The following SCARA5 variants were observed in gnomAD, a reference collection of about 807,000 sequenced individuals.
SCARA5 encodes the protein scavenger receptor class A member 5, also known as scavenger receptor class A, member 5 (putative).
A neutral mutation model predicts 46.3 loss-of-function variants in SCARA5; 45 were observed. That is an observed-to-expected ratio of 0.97 (90% CI 0.76 to 1.24). The LOEUF (loss-of-function observed/expected upper bound fraction) is 1.24, where lower values mean the gene tolerates loss of function less well. Ranked by LOEUF, SCARA5 falls within the 50% of genes most tolerant of loss-of-function variation. SCARA5 has a pLI of 0.00. For missense variants in SCARA5, 680 were observed against 689.0 expected, an observed-to-expected ratio of 0.99 and a Z score of 0.15; for synonymous variants, 333 against 306.5, an observed-to-expected ratio of 1.09 and a Z score of -0.90.
At chr8:27,977,365 A>G (rs1176782069) in intron 2 of SCARA5, among the ~76,000 whole-genome samples, 1 of 152,066 alleles carries the variant, frequency 6.6e-6, no homozygotes, top group Admixed American at 6.6e-5. Flanking sequence ...AGCTGTGTTT[A>G]TCCTCCTTTC....
At chr8:27,909,612 G>T in intron 5 of SCARA5, 51 bp downstream of exon 5, 1 of 1,279,740 alleles carries the variant, frequency 7.8e-7, no homozygotes, top group Non-Finnish European at 1.1e-6. Context: ...GTAGCGGGTA[G>T]AGATGGATTG....
At chr8:27,974,213 G>T (rs149958866) in intron 2 of SCARA5, among the ~76,000 whole-genome samples, 1 of 152,180 alleles carries the variant, frequency 6.6e-6, no homozygotes, top group Non-Finnish European at 1.5e-5. Context: ...CTCTGTGGAA[G>T]TCAACGCAAA....
intron 3 of SCARA5, among the ~76,000 whole-genome samples, chr8:27,946,660 A>C (rs1808042388): frequency 6.6e-6 from 1 of 152,212 alleles, no homozygotes; most frequent in East Asian, 1.9e-4. Flanking sequence ...ATTTGGCTCT[A>C]TCTAAGGGTA....
At chr8:27,877,023 ATCC>A (rs1356153392) in intron 8 of SCARA5, among the ~76,000 whole-genome samples, 2 of 152,086 alleles carry the variant, frequency 1.3e-5, no homozygotes, top group Admixed American at 1.3e-4. Context: ...ATGGTTTAGA[ATCC>A]TCCTCTACAT....
chr8:27,921,937 C>G lies in SCARA5; in HGVS notation c.550G>C (p.Glu184Gln), dbSNP rs1364750379. ...CTCTCCACCTGCAGCTGGTAGAGCT[C>G]CAGCTGCGCCGTGTCGCTCTGCTGG... ...TGQQSDTAQL[E>Q]LYQLQVESNS... Residue 184 changes from glutamate (E) to glutamine (Q), a missense_variant, in exon 4 of 9, where the codon GAG becomes CAG. Coordinates refer to ENST00000354914, the MANE Select transcript of SCARA5 (RefSeq NM_173833.6). 1 of 1,538,840 alleles carries G rather than the reference C, an allele frequency of 6.5e-7. No individual in the cohort carries two copies. Among genetic ancestry groups the G allele is most frequent in the East Asian group, 2.4e-5 (1 of 41,296 alleles).
chr8:27,984,080 T>C lies in SCARA5; in HGVS notation c.112+3424A>G, dbSNP rs147404037. ...GTGCTGGCTCTCCCTTCCTTTCCCA[T>C]CTCTTCCCAACTTCCCCCTCCTCCC... On this transcript the variant is annotated intron_variant, in intron 2 of 8. Coordinates refer to ENST00000354914, the MANE Select transcript of SCARA5 (RefSeq NM_173833.6). Among the ~76,000 whole-genome samples the C allele has an allele frequency of 1.0e-3, 159 of 152,094 alleles. 2 individuals are homozygous for C. In the East Asian group the frequency reaches 0.018, roughly 17 times the overall value.
chr8:27,953,581 A>G (rs2685411), intron 3 of SCARA5, among the ~76,000 whole-genome samples: 41,765 of 152,186 alleles, frequency 0.27, 5,919 homozygotes, highest in African/African-American at 0.34. Context: ...CTGTTGAATC[A>G]GAAGTCCCCA....
At position 27,904,781 on chromosome 8, in the gene SCARA5, C is replaced by T. The variant is rs1807224220; in HGVS notation, c.1150G>A (p.Ala384Thr). Residue 384 changes from alanine to threonine, a missense_variant, in exon 7 of 9, where the codon GCC becomes ACC. Ala to Thr is a moderately conservative substitution (Grantham distance 58, BLOSUM62 0). Coordinates refer to ENST00000354914, the MANE Select transcript of SCARA5 (RefSeq NM_173833.6). Reference sequence around the variant, plus strand: ...GGCCCCAGCAGAATGTCCTTACTGGCATCCCCAGCTCTGTCTCCTTTCTCT... The same window carrying T: ...GGCCCCAGCAGAATGTCCTTACTGGTATCCCCAGCTCTGTCTCCTTTCTCT... Reference protein sequence around the residue: ...KGEKGDRAGDASGVEAPMMIR... With the variant: ...KGEKGDRAGDTSGVEAPMMIR... 1.2e-6 allele frequency: 2 copies of T among 1,613,808 alleles called. No individual in the cohort carries two copies. Among genetic ancestry groups the T allele is most frequent in the Admixed American group, 3.3e-5 (2 of 60,012 alleles).
At chr8:27,923,836 G>C (rs980879373) in intron 3 of SCARA5, among the ~76,000 whole-genome samples, 3 of 152,172 alleles carry the variant, frequency 2.0e-5, no homozygotes, top group Non-Finnish European at 2.9e-5. Flanking sequence ...GCCTCCCAAA[G>C]TGTTGGGATT....
chr8:27,906,599 C>T (rs1807266108), intron 6 of SCARA5, among the ~76,000 whole-genome samples: 1 of 152,376 alleles, frequency 6.6e-6, no homozygotes, highest in South Asian at 2.1e-4. Context: ...ATAACACTCC[C>T]TTGCATTTCT....
At chr8:27,883,595 C>T (rs1467035800) in intron 7 of SCARA5, among the ~76,000 whole-genome samples, 1 of 152,158 alleles carries the variant, frequency 6.6e-6, no homozygotes, top group Non-Finnish European at 1.5e-5. Context: ...CCAAATAATT[C>T]AGAACAATTG....
At chr8:27,910,438 A>C (rs1362276214) in intron 4 of SCARA5, 1 of 152,368 alleles carries the variant, frequency 6.6e-6, no homozygotes, top group Non-Finnish European at 1.5e-5. Context: ...GCGGGATAAA[A>C]GATGAGGGAC....
chr8:27,959,060 C>T (rs1281488173), intron 3 of SCARA5, among the ~76,000 whole-genome samples: 1 of 152,140 alleles, frequency 6.6e-6, no homozygotes, highest in Non-Finnish European at 1.5e-5. Flanking sequence ...TGGCAAAACC[C>T]TGTCTCTACT....
At chr8:27,941,827 T>TATTATTATC (rs1333764873) in intron 3 of SCARA5, among the ~76,000 whole-genome samples, 3 of 147,934 alleles carry the variant, frequency 2.0e-5, no homozygotes, top group African/African-American at 4.9e-5. Flanking sequence ...TTATTATTAT[T>TATTATTATC]ATTATTATTA....
intron 3 of SCARA5, among the ~76,000 whole-genome samples, chr8:27,934,315 G>A (rs1378385583): frequency 2.0e-5 from 3 of 152,204 alleles, no homozygotes; most frequent in African/African-American, 4.8e-5. Context: ...TCAGGGTCTT[G>A]TTCCCAGGCA....
At chr8:27,985,666 G>A (rs1005533346) in intron 2 of SCARA5, among the ~76,000 whole-genome samples, 3 of 152,072 alleles carry the variant, frequency 2.0e-5, no homozygotes, top group African/African-American at 4.8e-5. Context: ...CAGGAGGCAC[G>A]AGTCAGCCTG....
At chr8:27,923,722 C>T (rs1807637335) in intron 3 of SCARA5, among the ~76,000 whole-genome samples, 2 of 152,128 alleles carry the variant, frequency 1.3e-5, no homozygotes, top group Admixed American at 1.3e-4. Flanking sequence ...ACTACAGGTG[C>T]ATGCCACCAC....
At chr8:27,964,212 C>T (rs1178234522) in intron 3 of SCARA5, among the ~76,000 whole-genome samples, 3 of 152,122 alleles carry the variant, frequency 2.0e-5, no homozygotes, top group African/African-American at 7.2e-5. Flanking sequence ...CCTATGCTGC[C>T]CTCACCAAAC....
chr8:27,903,028 T>C lies in SCARA5; in HGVS notation c.1153+1750A>G, dbSNP rs555258092. On this transcript the variant is annotated intron_variant, in intron 7 of 8. Coordinates refer to ENST00000354914, the MANE Select transcript of SCARA5 (RefSeq NM_173833.6). ...GTGCTGTCACCTGCCTTGCTCCTAT[T>C]TGATCCTGAATCATGCCTCAGGGAG... 1.1e-4 allele frequency among the ~76,000 whole-genome samples: 16 copies of C among 152,266 alleles called. No homozygotes were observed. The South Asian group carries it at 3.1e-3, about 30-fold the overall frequency.
Sources: allele counts gnomAD v4.1 joint callset (sites outside exome capture counted in the v4.1 genomes callset), GRCh38; gene constraint gnomAD v4.1.1; transcripts MANE v1.5; gene names NCBI Gene and HGNC (gene_info 2026-07-23, HGNC 2026-07-21).